GPR89B: variants seen among roughly 807,000 people sequenced by gnomAD.
GPR89B encodes the protein G protein-coupled receptor 89B.
Under a neutral mutation model 52.4 loss-of-function variants are expected in GPR89B, and 25 were observed. That is an observed-to-expected ratio of 0.48 (90% CI 0.35 to 0.67). The LOEUF is 0.67. Among genes scored for constraint, GPR89B ranks in the 30% least tolerant of loss-of-function variants. The pLI is 0.01. For missense variants in GPR89B, 146 were observed against 450.2 expected, an observed-to-expected ratio of 0.32 and a Z score of 6.11; for synonymous variants, 52 against 151.2, an observed-to-expected ratio of 0.34 and a Z score of 4.81.
At chr1:148,016,806 AG>A in the GPR89B span, among the ~76,000 whole-genome samples, 2 of 151,208 alleles carry the variant, frequency 1.3e-5, no homozygotes, top group African/African-American at 2.4e-5. Flanking sequence ...CTCATAAATT[AG>A]GCCTCTTAAA....
intron 1 of GPR89B, among the ~76,000 whole-genome samples, chr1:147,932,380 A>G (rs1322598849): frequency 4.6e-5 from 7 of 152,150 alleles, no homozygotes; most frequent in Admixed American, 1.3e-4. Flanking sequence ...GATCACTGCT[A>G]TAGTTTGTTT....
intron 10 of GPR89B, among the ~76,000 whole-genome samples, chr1:147,977,206 C>G (rs1435461393): frequency 6.4e-5 from 8 of 124,352 alleles, no homozygotes; most frequent in African/African-American, 2.5e-4. Context: ...TGCACTCCAG[C>G]CTGGGTGACA....
At chr1:148,013,294 T>C in the GPR89B span, among the ~76,000 whole-genome samples, 1 of 152,046 alleles carries the variant, frequency 6.6e-6, no homozygotes, top group Admixed American at 6.5e-5. Context: ...AGATAGGGCG[T>C]TCCTGCCCCG....
intron 7 of GPR89B, among the ~76,000 whole-genome samples, chr1:147,955,641 A>C (rs1471042692): frequency 6.6e-6 from 1 of 151,736 alleles, no homozygotes; most frequent in Non-Finnish European, 1.5e-5. Context: ...TTAGTTTGCA[A>C]TTCCTTAATG....
intron 7 of GPR89B, among the ~76,000 whole-genome samples, 164 bp from the exon 8 acceptor site, chr1:147,966,389 GT>G (rs1461927288): frequency 6.9e-6 from 1 of 144,194 alleles, no homozygotes; most frequent in Non-Finnish European, 1.5e-5. Flanking sequence ...CTTCCACATA[GT>G]TTCCCTTCAG....
chr1:147,940,270 GTGGGCGCCTGTAGTCCCAGCTACT>G (rs1450948728), intron 3 of GPR89B, among the ~76,000 whole-genome samples: 1 of 151,702 alleles, frequency 6.6e-6, no homozygotes, highest in African/African-American at 2.4e-5. Flanking sequence ...GGGCATGGTG[GTGGGCGCCTGTAGTCCCAGCTACT>G]TGGGGGGCTG....
chr1:148,002,159 G>C, the GPR89B span, among the ~76,000 whole-genome samples: 1 of 150,676 alleles, frequency 6.6e-6, no homozygotes, highest in African/African-American at 2.5e-5. Context: ...AATCAGCTCT[G>C]CCCATTCTCC....
intron 10 of GPR89B, among the ~76,000 whole-genome samples, chr1:147,977,233 CAAAAAAAAAAAAAAAAA>C (rs1191631857): frequency 1.2e-4 from 5 of 41,308 alleles, no homozygotes; most frequent in Non-Finnish European, 2.1e-4. Flanking sequence ...GACTCCATCT[CAAAAAAAAAAAAAAAAA>C]AAAAAAAAAA....
chr1:148,024,017 T>C, the GPR89B span, among the ~76,000 whole-genome samples: 2 of 147,250 alleles, frequency 1.4e-5, no homozygotes, highest in East Asian at 1.9e-4. Flanking sequence ...TTGCCACGTC[T>C]GATGTTGAGA....
At chr1:147,996,957 T>G (rs1369082252), downstream of GPR89B, among the ~76,000 whole-genome samples, 1 of 150,994 alleles carries the variant, frequency 6.6e-6, no homozygotes, top group African/African-American at 2.4e-5. Context: ...TGTGTATACA[T>G]GTACACAAAT....
At chr1:147,998,995 A>C in the GPR89B span, among the ~76,000 whole-genome samples, 2 of 151,676 alleles carry the variant, frequency 1.3e-5, no homozygotes, top group East Asian at 3.9e-4. Flanking sequence ...ATGTATCTCA[A>C]AGATCTACCC....
chr1:147,928,440 T>G lies in GPR89B; in HGVS notation c.-97T>G, dbSNP rs1210236363. The G allele has an allele frequency of 2.7e-6, 4 of 1,466,088 alleles. No homozygotes were observed. Among genetic ancestry groups the G allele is most frequent in the Non-Finnish European group, 3.8e-6 (4 of 1,056,200 alleles). 90.8% of individuals were successfully genotyped at this position (1,466,088 alleles called of 1,614,324 possible). On this transcript the variant is annotated 5_prime_UTR_variant, in exon 1 of 14. Transcript: ENST00000314163. ...GAGCCGCAGTCCCGGCTGCAGCACC[T>G]GGGAGAAGGCAGACCGTGTGAGGGG...
At chr1:147,948,253 A>C (rs1288683232) in intron 5 of GPR89B, among the ~76,000 whole-genome samples, 1 of 152,198 alleles carries the variant, frequency 6.6e-6, no homozygotes, top group African/African-American at 2.4e-5. Flanking sequence ...CACAAGAGAC[A>C]TCATGTAAAG....
Position 147,940,378 on chromosome 1 carries a change from G to C in GPR89B, c.206+1561G>C, listed in dbSNP as rs1297195693. On this transcript the variant is annotated intron_variant, in intron 3 of 13. Coordinates refer to ENST00000314163, the MANE Select transcript of GPR89B (RefSeq NM_016334.5). ...AGATTGTGCCACTGCACTCCAGCCT[G>C]GGCGACAGAGCAAGACTCCATCTCA... Among the ~76,000 whole-genome samples, 13 of 151,602 alleles carry C rather than the reference G, an allele frequency of 8.6e-5. 1 individual carries two copies. Among genetic ancestry groups the C allele is most frequent in the African/African-American group, 2.9e-4 (12 of 41,332 alleles).
chr1:148,021,282 C>T, the GPR89B span, among the ~76,000 whole-genome samples: 1 of 151,428 alleles, frequency 6.6e-6, no homozygotes, highest in Non-Finnish European at 1.5e-5. Context: ...GCGGGCGGAG[C>T]ACGAGGTCAG....
chr1:147,968,585 A>G, intron 8 of GPR89B: 1 of 505,506 alleles, frequency 2.0e-6, no homozygotes, highest in Non-Finnish European at 3.6e-6. Flanking sequence ...GACTTAATCT[A>G]ACTAGATAAA....
chr1:147,993,616 T>C (rs1248294308), downstream of GPR89B: 5 of 156,832 alleles, frequency 3.2e-5, no homozygotes, highest in African/African-American at 1.2e-4. Context: ...TTTTTTTCTA[T>C]CTGCCCCTCA....
At chr1:147,962,370 G>C (rs1301440869) in intron 7 of GPR89B, among the ~76,000 whole-genome samples, 1 of 150,874 alleles carries the variant, frequency 6.6e-6, no homozygotes, top group Non-Finnish European at 1.5e-5. Context: ...GTTGCAGTGA[G>C]CTGAGATTGC....
intron 12 of GPR89B, among the ~76,000 whole-genome samples, chr1:147,991,648 T>C (rs1254269951): frequency 4.6e-5 from 7 of 152,222 alleles, no homozygotes; most frequent in African/African-American, 7.2e-5. Flanking sequence ...ATTGAGTTTT[T>C]AGCATGAAGG....
Sources: gnomAD v4.1 joint callset for allele counts (sites outside exome capture counted in the v4.1 genomes callset) on GRCh38, gnomAD v4.1.1 for gene constraint, MANE v1.5 for transcripts, NCBI Gene and HGNC (gene_info 2026-07-23, HGNC 2026-07-21) for gene names.